Variants in DPF3 observed in about 807,000 individuals in gnomAD.
DPF3 encodes double PHD fingers 3.
A neutral mutation model predicts 56.8 loss-of-function variants in DPF3; 18 were observed. That is an observed-to-expected ratio of 0.32 (90% CI 0.22 to 0.47). The LOEUF is 0.47. Among genes scored for constraint, DPF3 ranks in the 20% least tolerant of loss-of-function variants. The pLI is 1.00. For synonymous variants in DPF3, 188 were observed against 180.2 expected, an observed-to-expected ratio of 1.04 and a Z score of -0.35; for missense variants, 403 against 488.8, an observed-to-expected ratio of 0.82 and a Z score of 1.65.
chr14:72,650,707 G>A (rs1331283192), intron 8 of DPF3, among the ~76,000 whole-genome samples: 2 of 152,176 alleles, frequency 1.3e-5, no homozygotes, highest in Non-Finnish European at 2.9e-5. Flanking sequence ...CTCTCCATCT[G>A]CCTCTTCAAG....
At chr14:72,743,672 T>G (rs1169725058) in intron 3 of DPF3, among the ~76,000 whole-genome samples, 1 of 152,102 alleles carries the variant, frequency 6.6e-6, no homozygotes, top group East Asian at 1.9e-4. Flanking sequence ...TCAGCTGGCT[T>G]TTGCCCAACA....
intron 8 of DPF3, chr14:72,662,641 A>G (rs1288992082): frequency 1.3e-5 from 13 of 985,310 alleles, no homozygotes; most frequent in Non-Finnish European, 1.6e-5. Flanking sequence ...GGCTGAGCTG[A>G]GTTGCGCTGC....
chr14:72,693,294 T>C lies in DPF3; in HGVS notation c.605-81A>G, dbSNP rs150614972. On this transcript the variant is annotated intron_variant, in intron 6 of 10. Transcript: ENST00000556509. Reference sequence around the variant, plus strand: ...CCACCGCTATCATTCTCCCAGACAGTGATCCCATCCATCCACCCCAGAGCC... The same window carrying C: ...CCACCGCTATCATTCTCCCAGACAGCGATCCCATCCATCCACCCCAGAGCC... The C allele has an allele frequency of 7.4e-6, 11 of 1,481,622 alleles. No individual in the cohort carries two copies. The East Asian group carries it at 9.8e-5, about 13-fold the overall frequency. The allele number at this position is 1,481,622 out of a possible 1,614,324, so 91.8% of individuals were successfully genotyped here.
intron 2 of DPF3, among the ~76,000 whole-genome samples, chr14:72,756,591 T>C (rs1194687762): frequency 6.6e-6 from 1 of 152,104 alleles, no homozygotes. Flanking sequence ...GGCCAGCAGA[T>C]CACTGAAGCC....
At chr14:72,674,702 G>T (rs1886835932) in intron 7 of DPF3, among the ~76,000 whole-genome samples, 1 of 152,226 alleles carries the variant, frequency 6.6e-6, no homozygotes, top group Admixed American at 6.5e-5. Flanking sequence ...TAAACAATCA[G>T]CCCTGTGGGC....
chr14:72,862,126 G>A (rs1015895286), intron 1 of DPF3, among the ~76,000 whole-genome samples: 3 of 152,242 alleles, frequency 2.0e-5, no homozygotes, highest in Non-Finnish European at 4.4e-5. Flanking sequence ...AGTGGCACAC[G>A]ACCTGAGTTA....
chr14:72,868,380 G>A (rs570828062), intron 1 of DPF3, among the ~76,000 whole-genome samples: 18 of 152,276 alleles, frequency 1.2e-4, no homozygotes, highest in African/African-American at 3.4e-4. Flanking sequence ...CACTTGTTCC[G>A]GTTATAACCA....
At chr14:72,879,143 G>C (rs1886227691) in intron 1 of DPF3, among the ~76,000 whole-genome samples, 1 of 152,222 alleles carries the variant, frequency 6.6e-6, no homozygotes, top group South Asian at 2.1e-4. Flanking sequence ...CAGCACTTTG[G>C]GAGGCCGAGG....
intron 1 of DPF3, among the ~76,000 whole-genome samples, chr14:72,889,599 C>T (rs759283): frequency 6.6e-6 from 1 of 151,946 alleles, no homozygotes; most frequent in Non-Finnish European, 1.5e-5. Flanking sequence ...GACCCCCACC[C>T]CTTCCCCTCT....
chr14:72,871,036 G>A (rs1195233131), intron 1 of DPF3, among the ~76,000 whole-genome samples: 1 of 152,160 alleles, frequency 6.6e-6, no homozygotes, highest in Admixed American at 6.5e-5. Flanking sequence ...TTACATGGTG[G>A]CAGCAAGAGA....
intron 7 of DPF3, among the ~76,000 whole-genome samples, chr14:72,678,050 ATATGT>A (rs1886993537): frequency 6.6e-6 from 1 of 152,222 alleles, no homozygotes; most frequent in African/African-American, 2.4e-5. Context: ...GATGCTTTAT[ATATGT>A]TATTTCATTG....
intron 1 of DPF3, among the ~76,000 whole-genome samples, chr14:72,810,138 C>T (rs1394450942): frequency 6.6e-6 from 1 of 152,120 alleles, no homozygotes; most frequent in African/African-American, 2.4e-5. Context: ...AGGGAAGATG[C>T]GAATAAGGGC....
At chr14:72,630,887 G>C (rs1885132689) in intron 8 of DPF3, among the ~76,000 whole-genome samples, 1 of 152,174 alleles carries the variant, frequency 6.6e-6, no homozygotes, top group South Asian at 2.1e-4. Flanking sequence ...GGATGCTAGA[G>C]ACAGGGGACA....
At chr14:72,824,815 G>A (rs1365581806) in intron 1 of DPF3, among the ~76,000 whole-genome samples, 14 of 150,464 alleles carry the variant, frequency 9.3e-5, no homozygotes, top group East Asian at 6.0e-4. Flanking sequence ...CAGGTGATCC[G>A]CCTACTTCAG....
intron 3 of DPF3, among the ~76,000 whole-genome samples, chr14:72,733,745 T>C (rs1177668757): frequency 6.6e-6 from 1 of 151,870 alleles, no homozygotes; most frequent in Non-Finnish European, 1.5e-5. Context: ...CCACCGAGCC[T>C]GCTCCACTGG....
chr14:72,725,199 A>C (rs1245409957), intron 4 of DPF3, among the ~76,000 whole-genome samples: 2 of 152,190 alleles, frequency 1.3e-5, no homozygotes, highest in Non-Finnish European at 2.9e-5. Context: ...TCCCAGCCCC[A>C]AATGGACTTT....
At chr14:72,726,818 G>T (rs116719832) in intron 4 of DPF3, among the ~76,000 whole-genome samples, 123 of 152,038 alleles carry the variant, frequency 8.1e-4, no homozygotes, top group African/African-American at 2.8e-3. Flanking sequence ...CAGTCTTTAT[G>T]GTGATAACAG....
chr14:72,774,355 T>A (rs1490657228), intron 1 of DPF3, among the ~76,000 whole-genome samples: 1 of 151,784 alleles, frequency 6.6e-6, no homozygotes, highest in African/African-American at 2.4e-5. Context: ...GTAGCTCTAG[T>A]TTTCATTTTT....
At chr14:72,701,831 C>T (rs1888176371) in intron 6 of DPF3, among the ~76,000 whole-genome samples, 1 of 152,218 alleles carries the variant, frequency 6.6e-6, no homozygotes, top group African/African-American at 2.4e-5. Flanking sequence ...CCAGCCACAG[C>T]TCATTCCCGG....
Sources: allele counts gnomAD v4.1 joint callset (sites outside exome capture counted in the v4.1 genomes callset), GRCh38; gene constraint gnomAD v4.1.1; transcripts MANE v1.5; gene names NCBI Gene and HGNC (gene_info 2026-07-23, HGNC 2026-07-21).